Variants in TBC1D15 observed in about 807,000 individuals in gnomAD.
TBC1D15 encodes the protein TBC1 domain family member 15.
In TBC1D15, 39 loss-of-function variants were observed where a neutral mutation model predicts 95.4. That is an observed-to-expected ratio of 0.41 (90% CI 0.32 to 0.53). TBC1D15 has a LOEUF of 0.53. Ranked by LOEUF, TBC1D15 falls within the 20% of genes least tolerant of loss-of-function variation. TBC1D15 has a pLI of 0.29. For synonymous variants in TBC1D15, 258 were observed against 261.3 expected, an observed-to-expected ratio of 0.99 and a Z score of 0.12; for missense variants, 733 against 794.3, an observed-to-expected ratio of 0.92 and a Z score of 0.93.
Position 71,884,793 on chromosome 12 carries a change from C to T in TBC1D15, c.344-18C>T. ...AAAGGTGAACAAAAATATTTTGCCC[C>T]ACTTTCTTGTTTTTAAGATGCTCCA... On this transcript the variant is annotated intron_variant, in intron 4 of 16. Transcript: ENST00000485960. The T allele has an allele frequency of 6.2e-7, 1 of 1,613,044 alleles. No homozygotes were observed. The highest frequency in any genetic ancestry group is 1.7e-5 in the Admixed American group (1 of 59,932).
At chr12:71,889,485 A>T (rs1415367327) in intron 5 of TBC1D15, among the ~76,000 whole-genome samples, 2 of 152,204 alleles carry the variant, frequency 1.3e-5, no homozygotes, top group African/African-American at 4.8e-5. Context: ...CAAATATATT[A>T]TGCCATGTAG....
Position 71,905,861 on chromosome 12 carries a change from C to T in TBC1D15, c.1184-1161C>T, listed in dbSNP as rs76887752. Among the ~76,000 whole-genome samples the T allele has an allele frequency of 9.7e-3, 1,474 of 151,940 alleles. 31 individuals carry two copies. Among genetic ancestry groups the T allele is most frequent in the African/African-American group, 0.033 (1,379 of 41,412 alleles). ...GTTAGATTCTACTCTGTTGTATCTC[C>T]TTATCTTTTTTTTAATTATTACTAT... On this transcript the variant is annotated intron_variant, in intron 10 of 16. Transcript: ENST00000485960.
intron 10 of TBC1D15, among the ~76,000 whole-genome samples, chr12:71,898,552 A>G (rs1310061029): frequency 6.6e-6 from 1 of 152,154 alleles, no homozygotes; most frequent in Non-Finnish European, 1.5e-5. Context: ...CATAATCTCC[A>G]TTTACAAATG....
chr12:71,891,151 T>G (rs967915495), intron 5 of TBC1D15, among the ~76,000 whole-genome samples: 1 of 152,168 alleles, frequency 6.6e-6, no homozygotes, highest in Non-Finnish European at 1.5e-5. Context: ...CCTTACATAT[T>G]GGTCATTCTC....
rs1172149566 is a variant in TBC1D15 at position 71,924,172 on chromosome 12, AT to A, written c.*973del. On this transcript the variant is annotated 3_prime_UTR_variant, in exon 17 of 17. Coordinates refer to ENST00000485960, the MANE Select transcript of TBC1D15 (RefSeq NM_001146213.3). ...TGGTCTCATGAGTTTCAAAATAATA[AT>A]TTTTGTGTATGAACAAAGCTGTTGT... 1 of 152,608 alleles carries A rather than the reference AT, an allele frequency of 6.6e-6. No homozygotes were observed. Among genetic ancestry groups the A allele is most frequent in the African/African-American group, 2.4e-5 (1 of 41,456 alleles). The allele number at this position is 152,608 out of a possible 1,614,324, so 9.5% of individuals were successfully genotyped here.
chr12:71,881,971 C>T (rs895755167), intron 4 of TBC1D15, among the ~76,000 whole-genome samples: 1 of 146,052 alleles, frequency 6.8e-6, no homozygotes, highest in African/African-American at 2.5e-5. Flanking sequence ...CCCGTGGGTT[C>T]ATTTCTAAGC....
intron 5 of TBC1D15, among the ~76,000 whole-genome samples, chr12:71,892,591 G>A (rs574360169): frequency 6.6e-6 from 1 of 151,966 alleles, no homozygotes; most frequent in Middle Eastern, 3.6e-3. Flanking sequence ...TGCTTCTAGA[G>A]TTTAATAAGC....
chr12:71,851,791 GCCCTGTGGCGTTGCAGGGCTCAGC>G (rs144175022), intron 1 of TBC1D15, among the ~76,000 whole-genome samples: 13,546 of 152,252 alleles, frequency 0.089, 685 homozygotes, highest in East Asian at 0.16. Flanking sequence ...GGACAGCTCT[GCCCTGTGGCGTTGCAGGGCTCAGC>G]CCCTGTGGCT....
At chr12:71,898,458 A>G (rs925153503) in intron 10 of TBC1D15, among the ~76,000 whole-genome samples, 2 of 152,106 alleles carry the variant, frequency 1.3e-5, no homozygotes, top group African/African-American at 2.4e-5. Flanking sequence ...GTATTTGAAA[A>G]TAGAATATTT....
At chr12:71,849,213 G>A in intron 1 of TBC1D15, 1 of 499,720 alleles carries the variant, frequency 2.0e-6, no homozygotes, top group East Asian at 3.2e-5. Flanking sequence ...TGTCCATAGG[G>A]TTGTTCCTCA....
rs1895941053 is a variant in TBC1D15, at chr12:71,884,954, C to G, written c.487C>G (p.Leu163Val). 1 of 1,613,904 alleles carries G rather than the reference C, an allele frequency of 6.2e-7. No individual in the cohort carries two copies. The highest frequency in any genetic ancestry group is 8.5e-7 in the Non-Finnish European group (1 of 1,179,930). The change falls in exon 5 of 17, where the codon CTA becomes GTA. Residue 163 changes from leucine to valine, a missense_variant. Transcript: ENST00000485960. ...CLKDDVVLPA[L>V]HFHQGDSKLL... Reference sequence around the variant, plus strand: ...AAAGGATGACGTCGTTCTCCCTGCTCTACACTTTCATCAAGGAGATAGCAA... The same window carrying G: ...AAAGGATGACGTCGTTCTCCCTGCTGTACACTTTCATCAAGGAGATAGCAA...
chr12:71,854,830 G>A (rs2138006816), intron 1 of TBC1D15: 1 of 456,440 alleles, frequency 2.2e-6, no homozygotes. Context: ...TCTTTGATCT[G>A]TTCTTCCCTT....
chr12:71,915,568 TACAC>T (rs1478095102), intron 12 of TBC1D15, among the ~76,000 whole-genome samples: 1 of 151,880 alleles, frequency 6.6e-6, no homozygotes, highest in Admixed American at 6.6e-5. Context: ...TAATGCCACA[TACAC>T]ACATGCATAC....
chr12:71,849,670 A>C (rs1342624251), intron 1 of TBC1D15: 1 of 559,120 alleles, frequency 1.8e-6, no homozygotes, highest in Non-Finnish European at 3.4e-6. Context: ...TCCATCAGCA[A>C]CTCTATCTCC....
chr12:71,920,705 CA>C (rs1245650452), intron 14 of TBC1D15, 25 bp from the exon 15 acceptor site: 2 of 1,548,822 alleles, frequency 1.3e-6, no homozygotes, highest in Non-Finnish European at 1.8e-6. Flanking sequence ...ATACAATTTG[CA>C]AAATAGTTCT....
intron 15 of TBC1D15, 62 bp downstream of exon 15, chr12:71,920,909 A>G (rs914551143): frequency 8.5e-7 from 1 of 1,172,950 alleles, no homozygotes; most frequent in African/African-American, 1.5e-5. Context: ...GTCCTGATAT[A>G]CAGAACGTTT....
chr12:71,896,276 G>A, intron 8 of TBC1D15: 1 of 480,454 alleles, frequency 2.1e-6, no homozygotes, highest in South Asian at 3.5e-5. Flanking sequence ...ACAGAGTGAG[G>A]TGCTTATGAT....
chr12:71,918,788 A>C (rs1461298117), intron 14 of TBC1D15, among the ~76,000 whole-genome samples: 1 of 152,214 alleles, frequency 6.6e-6, no homozygotes, highest in Admixed American at 6.5e-5. Context: ...GGTATCCCAG[A>C]ACAAGTGCTC....
intron 5 of TBC1D15, among the ~76,000 whole-genome samples, chr12:71,888,193 C>CA (rs1324323343): frequency 2.0e-5 from 3 of 152,142 alleles, no homozygotes; most frequent in African/African-American, 7.2e-5. Context: ...GTATGAGAAT[C>CA]AGAGATGGGG....
Sources: gnomAD v4.1 joint callset for allele counts (sites outside exome capture counted in the v4.1 genomes callset) on GRCh38, gnomAD v4.1.1 for gene constraint, MANE v1.5 for transcripts, NCBI Gene and HGNC (gene_info 2026-07-23, HGNC 2026-07-21) for gene names.